Variants in DOCK3 observed in about 807,000 individuals in gnomAD.
DOCK3 encodes the protein dedicator of cytokinesis 3.
In DOCK3, 60 loss-of-function variants were observed where a neutral mutation model predicts 265.6. The observed-to-expected ratio is 0.23, with a 90% confidence interval of 0.18 to 0.28. The LOEUF is 0.28. Ranked by LOEUF, DOCK3 falls within the 10% of genes least tolerant of loss-of-function variation. The probability of loss-of-function intolerance (pLI) is 1.00; values close to 1 mark genes in which losing one functional copy is unlikely to be tolerated. For synonymous variants in DOCK3, 881 were observed against 938.0 expected (o/e 0.94, Z 1.11); for missense variants, 1,981 against 2,594.3 (o/e 0.76, Z 5.14).
intron 12 of DOCK3, among the ~76,000 whole-genome samples, chr3:51,196,408 G>C (rs893845465): frequency 2.6e-5 from 4 of 152,084 alleles, no homozygotes; most frequent in Admixed American, 6.5e-5. Context: ...TATTTTCCCA[G>C]GGATTGCTGA....
chr3:51,276,365 G>C, intron 25 of DOCK3: 3 of 985,344 alleles, frequency 3.0e-6, no homozygotes, highest in South Asian at 4.7e-5. Context: ...GTTGTATTGA[G>C]GGGGTGGACA....
At position 51,382,260 on chromosome 3, in the gene DOCK3, TTC is replaced by T. The variant is rs1387491497; in HGVS notation, c.*703_*704del. The stretch of plus-strand genomic sequence containing the variant: ...TGGATTTTTCTCTCCATCACATCAT[TTC>T]TGACCATTTGCTCCCTTCCATTCTT... On this transcript the variant is annotated 3_prime_UTR_variant, in exon 53 of 53. Coordinates refer to ENST00000266037, the MANE Select transcript of DOCK3 (RefSeq NM_004947.5). 1.3e-5 allele frequency: 2 copies of T among 152,486 alleles called. No homozygotes were observed. Among genetic ancestry groups the T allele is most frequent in the South Asian group, 2.1e-4 (1 of 4,828 alleles). 9.4% of individuals were successfully genotyped at this position (152,486 alleles called of 1,614,324 possible). A position where few individuals can be genotyped will look rare whatever the true frequency, so the allele number is the denominator to read the frequency against.
At chr3:51,092,109 G>T (rs1404146397) in intron 9 of DOCK3, among the ~76,000 whole-genome samples, 1 of 152,142 alleles carries the variant, frequency 6.6e-6, no homozygotes, top group Non-Finnish European at 1.5e-5. Context: ...CTAGCTGCAG[G>T]AGTTTGTTTT....
chr3:50,995,665 G>T (rs2078254011), intron 5 of DOCK3, among the ~76,000 whole-genome samples: 1 of 152,150 alleles, frequency 6.6e-6, no homozygotes, highest in African/African-American at 2.4e-5. Context: ...AGGCCTTCTT[G>T]AAAGTTTGAG....
At chr3:50,878,327 T>C (rs2047822673) in intron 3 of DOCK3, among the ~76,000 whole-genome samples, 1 of 152,012 alleles carries the variant, frequency 6.6e-6, no homozygotes, top group African/African-American at 2.4e-5. Context: ...ATAACAAACT[T>C]CTCCGAGCTA....
intron 1 of DOCK3, among the ~76,000 whole-genome samples, chr3:50,718,319 G>T (rs1237339606): frequency 2.0e-5 from 3 of 152,142 alleles, no homozygotes; most frequent in African/African-American, 7.2e-5. Context: ...TGGGTGTTCA[G>T]CACTGTTTGT....
At chr3:51,259,695 TCTTA>T (rs1473322223) in intron 22 of DOCK3, among the ~76,000 whole-genome samples, 1 of 152,186 alleles carries the variant, frequency 6.6e-6, no homozygotes, top group Admixed American at 6.5e-5. Flanking sequence ...CCCAGCTATA[TCTTA>T]AAGATGTAGG....
At chr3:51,211,763 A>G (rs1196692983) in intron 13 of DOCK3, among the ~76,000 whole-genome samples, 2 of 152,172 alleles carry the variant, frequency 1.3e-5, no homozygotes, top group Non-Finnish European at 2.9e-5. Context: ...TCTATCATTG[A>G]TGGACACTTG....
chr3:50,887,677 G>A (rs1575451760), intron 3 of DOCK3, among the ~76,000 whole-genome samples: 3 of 113,348 alleles, frequency 2.6e-5, no homozygotes, highest in South Asian at 3.5e-4. Context: ...TGATCAAGTC[G>A]GCTTCATCCC....
chr3:51,008,185 A>G (rs1283471026), intron 5 of DOCK3, among the ~76,000 whole-genome samples: 2 of 152,122 alleles, frequency 1.3e-5, no homozygotes, highest in East Asian at 3.8e-4. Flanking sequence ...CTTGATGAGG[A>G]TGGCATTGAA....
chr3:51,357,895 A>T, intron 45 of DOCK3, 54 bp downstream of exon 45: 1 of 1,613,172 alleles, frequency 6.2e-7, no homozygotes, highest in South Asian at 1.1e-5. Context: ...GCCATGCACT[A>T]CAAGATGAGC....
chr3:50,711,558 G>A (rs1284718407), intron 1 of DOCK3, among the ~76,000 whole-genome samples: 3 of 151,990 alleles, frequency 2.0e-5, no homozygotes, highest in Admixed American at 6.6e-5. Context: ...CACCGCGCCC[G>A]GCCCAGTCCT....
At chr3:50,807,041 G>A (rs543946129) in intron 2 of DOCK3, among the ~76,000 whole-genome samples, 1 of 152,240 alleles carries the variant, frequency 6.6e-6, no homozygotes, top group South Asian at 2.1e-4. Flanking sequence ...CTGGTTTGGC[G>A]AGACGGTGCT....
chr3:51,315,533 A>G (rs750541185), intron 32 of DOCK3, among the ~76,000 whole-genome samples: 4 of 152,068 alleles, frequency 2.6e-5, no homozygotes, highest in Non-Finnish European at 5.9e-5. Flanking sequence ...CCAGCATTTT[A>G]TAGACTACTG....
intron 9 of DOCK3, among the ~76,000 whole-genome samples, chr3:51,111,909 T>G (rs534428347): frequency 2.6e-5 from 4 of 152,276 alleles, no homozygotes; most frequent in African/African-American, 9.6e-5. Flanking sequence ...GTACAGTCAC[T>G]TTTCAAAAAA....
At chr3:50,737,686 C>G (rs1462548831) in intron 1 of DOCK3, among the ~76,000 whole-genome samples, 2 of 152,134 alleles carry the variant, frequency 1.3e-5, no homozygotes, top group Non-Finnish European at 2.9e-5. Context: ...CTTTGTTCTG[C>G]TGATTGAGTG....
At chr3:50,901,535 A>G (rs1003230434) in intron 4 of DOCK3, 3 of 434,542 alleles carry the variant, frequency 6.9e-6, no homozygotes, top group Non-Finnish European at 1.4e-5. Flanking sequence ...AATATGCTGC[A>G]GTTAGCTCAG....
chr3:50,759,371 TTC>T (rs1559602269), intron 1 of DOCK3, among the ~76,000 whole-genome samples: 1 of 152,164 alleles, frequency 6.6e-6, no homozygotes, highest in Non-Finnish European at 1.5e-5. Context: ...TTAATATTTG[TTC>T]TTTTTTATTT....
chr3:50,901,840 C>T (rs1249353759), intron 4 of DOCK3, among the ~76,000 whole-genome samples: 1 of 152,160 alleles, frequency 6.6e-6, no homozygotes, highest in Non-Finnish European at 1.5e-5. Flanking sequence ...AACCGTGTAC[C>T]TCACTTGGAA....
Sources: allele counts gnomAD v4.1 joint callset (sites outside exome capture counted in the v4.1 genomes callset), GRCh38; gene constraint gnomAD v4.1.1; transcripts MANE v1.5; gene names NCBI Gene and HGNC (gene_info 2026-07-23, HGNC 2026-07-21).